CSMD1: variants seen among roughly 807,000 people sequenced by gnomAD.
The protein encoded by CSMD1 is CUB and Sushi multiple domains 1, also known as CUB and sushi domain-containing protein 1.
CSMD1 carries 213 observed loss-of-function variants against 417.5 expected under a neutral mutation model. That is an observed-to-expected ratio of 0.51 (90% confidence interval 0.46 to 0.57). The LOEUF (loss-of-function observed/expected upper bound fraction) is 0.57, where lower values mean the gene tolerates loss of function less well. Ranked by LOEUF, CSMD1 falls within the 20% of genes least tolerant of loss-of-function variation. The probability of loss-of-function intolerance (pLI) is 0.00; values close to 1 mark genes in which losing one functional copy is unlikely to be tolerated. For missense variants in CSMD1, 6,923 were observed against 4,529.7 expected, an observed-to-expected ratio of 1.53 and a Z score of -15.17; for synonymous variants, 2,862 against 1,736.8, an observed-to-expected ratio of 1.65 and a Z score of -16.11.
chr8:4,053,491 C>A (rs1434794112), intron 3 of CSMD1, among the ~76,000 whole-genome samples: 1 of 152,050 alleles, frequency 6.6e-6, no homozygotes, highest in Non-Finnish European at 1.5e-5. Flanking sequence ...GCAATATATT[C>A]TTAAAACACC....
rs184201913 is a variant in CSMD1, at chr8:3,277,961, C to A, written c.4153+6183G>T. ...GCTGAGTAAAAGAAAAGTAAGCAAGCGTCATTTCTGCAGAAACCTTCGTGG... is the reference window on the plus strand; with the variant it reads ...GCTGAGTAAAAGAAAAGTAAGCAAGAGTCATTTCTGCAGAAACCTTCGTGG... On this transcript the variant is annotated intron_variant, in intron 26 of 69. Coordinates refer to ENST00000635120, the MANE Select transcript of CSMD1 (RefSeq NM_033225.6). Among the ~76,000 whole-genome samples the A allele has an allele frequency of 9.2e-5, 14 of 152,222 alleles. No individual in the cohort carries two copies. The East Asian group carries it at 2.7e-3, about 29-fold the overall frequency.
chr8:3,137,432 G>T (rs989382923), intron 41 of CSMD1, among the ~76,000 whole-genome samples: 1 of 152,216 alleles, frequency 6.6e-6, no homozygotes, highest in Non-Finnish European at 1.5e-5. Context: ...GGTGTGCACT[G>T]GGGAGCAATT....
chr8:4,367,087 G>C (rs926280164), intron 3 of CSMD1, among the ~76,000 whole-genome samples: 2 of 152,062 alleles, frequency 1.3e-5, no homozygotes, highest in East Asian at 3.9e-4. Context: ...TATTGCAATT[G>C]CTTTTAGAGA....
intron 5 of CSMD1, among the ~76,000 whole-genome samples, chr8:3,927,113 C>A (rs948733049): frequency 6.6e-6 from 1 of 151,642 alleles, no homozygotes; most frequent in African/African-American, 2.4e-5. Flanking sequence ...TCGTTTTTAA[C>A]TGAGAATAAT....
At chr8:4,928,462 G>C (rs1342326664) in intron 1 of CSMD1, among the ~76,000 whole-genome samples, 1 of 152,130 alleles carries the variant, frequency 6.6e-6, no homozygotes, top group Non-Finnish European at 1.5e-5. Flanking sequence ...CACCATAGGG[G>C]CTCAGAGATA....
chr8:4,361,141 G>A (rs1317465345), intron 3 of CSMD1, among the ~76,000 whole-genome samples: 1 of 152,152 alleles, frequency 6.6e-6, no homozygotes, highest in African/African-American at 2.4e-5. Flanking sequence ...CTGAGCTGAA[G>A]CTTTATCATT....
At chr8:4,548,463 A>T (rs1043547264) in intron 2 of CSMD1, among the ~76,000 whole-genome samples, 3 of 152,160 alleles carry the variant, frequency 2.0e-5, no homozygotes, top group African/African-American at 7.2e-5. Flanking sequence ...AATCAATGTA[A>T]TTGCATTCAT....
At chr8:3,619,505 A>G (rs964349117) in intron 7 of CSMD1, among the ~76,000 whole-genome samples, 2 of 152,172 alleles carry the variant, frequency 1.3e-5, no homozygotes. Context: ...CTAGACAATG[A>G]ATTTACAACA....
At chr8:3,065,440 GATAC>G (rs1812877864) in intron 49 of CSMD1, among the ~76,000 whole-genome samples, 1 of 151,972 alleles carries the variant, frequency 6.6e-6, no homozygotes, top group Admixed American at 6.6e-5. Context: ...TAGGAAGATA[GATAC>G]ATACAGAGAG....
rs562695920 is a variant in CSMD1, at chr8:4,069,896, G to GTT, written c.416-37799_416-37798dup. ...ACAGTAAGGTGTTTTGTTTTGTTTT[G>GTT]TTTTGTTTTTGTTTTTTACCACTTT... On this transcript the variant is annotated intron_variant, in intron 3 of 69. Coordinates refer to ENST00000635120, the MANE Select transcript of CSMD1 (RefSeq NM_033225.6). Among the ~76,000 whole-genome samples, 14 of 151,070 alleles carry GTT rather than the reference G, an allele frequency of 9.3e-5. 1 individual carries two copies. The South Asian group carries it at 2.7e-3, about 29-fold the overall frequency.
At chr8:3,595,429 A>C (rs975453287) in intron 8 of CSMD1, among the ~76,000 whole-genome samples, 1 of 152,092 alleles carries the variant, frequency 6.6e-6, no homozygotes, top group Non-Finnish European at 1.5e-5. Flanking sequence ...TTTTAGACTC[A>C]TTTCTTCAAG....
intron 5 of CSMD1, among the ~76,000 whole-genome samples, chr8:3,989,753 AT>A (rs1721628969): frequency 6.6e-6 from 1 of 152,228 alleles, no homozygotes; most frequent in African/African-American, 2.4e-5. Context: ...GGAAACGCTA[AT>A]GTTCTAGGCC....
intron 25 of CSMD1, among the ~76,000 whole-genome samples, chr8:3,298,142 G>A (rs940106939): frequency 2.0e-5 from 3 of 152,164 alleles, no homozygotes; most frequent in African/African-American, 7.2e-5. Context: ...CTCTCAGGGA[G>A]TGAGGGTAAG....
At chr8:4,644,743 C>T (rs548171379) in intron 1 of CSMD1, among the ~76,000 whole-genome samples, 7 of 152,328 alleles carry the variant, frequency 4.6e-5, no homozygotes, top group Admixed American at 1.3e-4. Context: ...GCATTTATAA[C>T]TTTGTGAAAT....
chr8:4,219,928 T>G (rs186657414), intron 3 of CSMD1, among the ~76,000 whole-genome samples: 521 of 152,290 alleles, frequency 3.4e-3, no homozygotes, highest in Middle Eastern at 6.8e-3. Flanking sequence ...AGAGAATCAC[T>G]CAAGATAATT....
intron 7 of CSMD1, among the ~76,000 whole-genome samples, chr8:3,686,310 C>A (rs373303532): frequency 6.6e-6 from 1 of 152,266 alleles, no homozygotes; most frequent in South Asian, 2.1e-4. Context: ...ACAGCTAACA[C>A]TGTGACTTTC....
At chr8:3,059,967 G>A (rs1451958457) in intron 49 of CSMD1, among the ~76,000 whole-genome samples, 1 of 152,046 alleles carries the variant, frequency 6.6e-6, no homozygotes, top group Non-Finnish European at 1.5e-5. Flanking sequence ...ACTGCAATTA[G>A]GCAGTGGGTA....
intron 10 of CSMD1, among the ~76,000 whole-genome samples, chr8:3,552,698 G>A (rs1375754940): frequency 6.6e-6 from 1 of 152,158 alleles, no homozygotes; most frequent in Non-Finnish European, 1.5e-5. Flanking sequence ...ATTTGGGTCT[G>A]AAGTTTTAGA....
chr8:3,498,864 T>C (rs138185402), intron 10 of CSMD1, among the ~76,000 whole-genome samples: 1,987 of 152,312 alleles, frequency 0.013, 51 homozygotes, highest in African/African-American at 0.045. Flanking sequence ...GTGTAATATC[T>C]CTGTTGAATT....
Sources: allele counts gnomAD v4.1 joint callset (sites outside exome capture counted in the v4.1 genomes callset), GRCh38; gene constraint gnomAD v4.1.1; transcripts MANE v1.5; gene names NCBI Gene and HGNC (gene_info 2026-07-23, HGNC 2026-07-21).